The following PLEKHA6 variants were observed in gnomAD, a reference collection of about 807,000 sequenced individuals.
The protein encoded by PLEKHA6 is pleckstrin homology domain-containing family A member 6.
Under a neutral mutation model 116.7 loss-of-function variants are expected in PLEKHA6, and 60 were observed. The ratio of observed to expected loss-of-function variants is 0.51; its 90% confidence interval spans 0.42 to 0.64. The LOEUF is 0.64. Ranked by LOEUF, PLEKHA6 falls within the 30% of genes least tolerant of loss-of-function variation. The pLI, the probability that PLEKHA6 is intolerant of heterozygous loss-of-function variation, is 0.00. For synonymous variants in PLEKHA6, 489 were observed against 556.1 expected (o/e 0.88, Z 1.70); for missense variants, 1,338 against 1,422.7 (o/e 0.94, Z 0.96).
At position 204,257,456 on chromosome 1, in the gene PLEKHA6, A is replaced by G; in HGVS notation, c.1421T>C (p.Val474Ala). Residue 474 changes from valine to alanine, a missense_variant, in exon 9 of 23, where the codon GTC (valine) becomes GCC (alanine). Around this residue, in one of 3 missense-constraint regions of PLEKHA6, gnomAD observed 1,136 missense variants for 1,163.6 expected, o/e 0.98. Transcript: ENST00000272203. This position sits in a 1 kb window ranked among gnomAD's most constrained non-coding sequence, Gnocchi z 6.5. Reference protein sequence around the residue: ...SYSRARIYSPVRSPSARFERL... With the variant: ...SYSRARIYSPARSPSARFERL... ...CTCAAAACGGGCACTGGGTGAGCGG[A>G]CAGGGGAGTAAATGCGGGCACGGCT... The G allele has an allele frequency of 6.4e-7, 1 of 1,570,960 alleles. No homozygotes were observed. Among genetic ancestry groups the G allele is most frequent in the Non-Finnish European group, 8.6e-7 (1 of 1,156,864 alleles).
At chr1:204,332,235 C>A (rs1672480186) in intron 1 of PLEKHA6, among the ~76,000 whole-genome samples, 1 of 152,216 alleles carries the variant, frequency 6.6e-6, no homozygotes, top group Non-Finnish European at 1.5e-5. Flanking sequence ...TGGGAAGTCA[C>A]AAGATGGCCA....
At chr1:204,319,071 T>G (rs1049298846) in intron 1 of PLEKHA6, among the ~76,000 whole-genome samples, 3 of 152,186 alleles carry the variant, frequency 2.0e-5, no homozygotes, top group African/African-American at 7.2e-5. Context: ...AAAAACAAGG[T>G]ACTCGGTTCA....
intron 1 of PLEKHA6, chr1:204,347,331 G>T: frequency 1.4e-6 from 1 of 706,322 alleles, no homozygotes; most frequent in Non-Finnish European, 2.5e-6. Context: ...GAGAAATATG[G>T]CTCTGTTCTG....
chr1:204,305,640 T>C (rs185096333), intron 1 of PLEKHA6, among the ~76,000 whole-genome samples: 6 of 152,214 alleles, frequency 3.9e-5, no homozygotes. Context: ...ACTGTACAAT[T>C]GAACAAAAGG....
At chr1:204,265,086 C>A (rs1198641616) in intron 5 of PLEKHA6, 44 bp from the exon 6 acceptor site, 1 of 1,288,902 alleles carries the variant, frequency 7.8e-7, no homozygotes, top group Non-Finnish European at 1.1e-6. Flanking sequence ...TGTGTGTGTG[C>A]AAGCGTGTGC....
chr1:204,377,366 A>T (rs1163397265), intron 1 of PLEKHA6, among the ~76,000 whole-genome samples: 2 of 152,166 alleles, frequency 1.3e-5, no homozygotes, highest in African/African-American at 4.8e-5. Flanking sequence ...AGCCTTTCCA[A>T]GCTGAGGGAA....
chr1:204,334,414 G>A (rs1241303932), intron 1 of PLEKHA6, among the ~76,000 whole-genome samples: 5 of 152,146 alleles, frequency 3.3e-5, no homozygotes, highest in African/African-American at 7.2e-5. Context: ...AGATCACCAC[G>A]GAGGATGGTT....
intron 1 of PLEKHA6, among the ~76,000 whole-genome samples, chr1:204,342,514 C>T (rs76960700): frequency 3.4e-4 from 52 of 152,334 alleles, no homozygotes; most frequent in African/African-American, 1.2e-3. Context: ...AAGGCTTCTC[C>T]GCTTTTAATG....
chr1:204,377,439 A>G (rs1305835825), intron 1 of PLEKHA6: 2 of 152,350 alleles, frequency 1.3e-5, no homozygotes, highest in East Asian at 3.9e-4. Context: ...TCAAACAGGC[A>G]TGGTGATAAA....
chr1:204,235,008 ATAT>A (rs1661817088), intron 17 of PLEKHA6, among the ~76,000 whole-genome samples: 1 of 17,256 alleles, frequency 5.8e-5, no homozygotes, highest in Non-Finnish European at 1.0e-4. Context: ...ATATATATAT[ATAT>A]ATCTAATAGC....
At chr1:204,343,424 A>G (rs1322455058) in intron 1 of PLEKHA6, among the ~76,000 whole-genome samples, 2 of 152,176 alleles carry the variant, frequency 1.3e-5, no homozygotes, top group African/African-American at 4.8e-5. Flanking sequence ...TGACTAAACC[A>G]AGGCTCAGAG....
In PLEKHA6 at chr1:204,352,466, C is replaced by T. The variant is rs188354341; in HGVS notation, c.-95+7228G>A. Among the ~76,000 whole-genome samples the T allele has an allele frequency of 1.3e-3, 195 of 152,274 alleles. 1 individual carries two copies. Among genetic ancestry groups the T allele is most frequent in the Non-Finnish European group, 2.1e-3 (141 of 68,018 alleles). ...TTATTTCATTTACTCCTTGCCGCTG[C>T]GGAGACTTCAGTCTCCTAACAGGAT... On this transcript the variant is annotated intron_variant, in intron 1 of 22. Transcript: ENST00000272203.
chr1:204,364,399 C>T (rs1351099144), upstream of PLEKHA6, among the ~76,000 whole-genome samples: 4 of 152,214 alleles, frequency 2.6e-5, no homozygotes, highest in South Asian at 2.1e-4. Flanking sequence ...AAATCAGGCA[C>T]ACATGAGGCC....
chr1:204,235,023 G>GATAT (rs1354284623), intron 17 of PLEKHA6, among the ~76,000 whole-genome samples: 1 of 106,346 alleles, frequency 9.4e-6, no homozygotes, highest in African/African-American at 3.2e-5. Context: ...TCTAATAGCA[G>GATAT]ATATATATAT....
At chr1:204,281,925 G>C (rs1243924296) in intron 1 of PLEKHA6, among the ~76,000 whole-genome samples, 1 of 152,142 alleles carries the variant, frequency 6.6e-6, no homozygotes, top group East Asian at 1.9e-4. Context: ...ACCTGTTATG[G>C]GCAGTTATGG....
chr1:204,303,527 A>T (rs114980763), intron 1 of PLEKHA6, among the ~76,000 whole-genome samples: 1,583 of 152,324 alleles, frequency 0.01, 26 homozygotes, highest in African/African-American at 0.035. Context: ...GCTTTTGCTC[A>T]TACAAGTCTG....
chr1:204,319,911 T>C (rs942285330), intron 1 of PLEKHA6, among the ~76,000 whole-genome samples: 1 of 152,002 alleles, frequency 6.6e-6, no homozygotes, highest in Non-Finnish European at 1.5e-5. Context: ...CAGGAGCTCA[T>C]GGTCATCTCA....
rs1178420884 is a variant in PLEKHA6 at position 204,259,517 on chromosome 1, C to A, written c.748G>T (p.Gly250Cys). 6.2e-7 allele frequency: 1 copy of A among 1,614,100 alleles called. No individual in the cohort carries two copies. The highest frequency in any genetic ancestry group is 2.2e-5 in the East Asian group (1 of 44,874). Reference protein sequence around the residue: ...PAGPEPASEPGSPYPEGPRVP... With the variant: ...PAGPEPASEPCSPYPEGPRVP... ...CTTGGGCCCTCGGGGTAAGGGCTGC[C>A]CGGCTCTGAGGCTGGCTCCGGTCCA... Residue 250 changes from glycine (G) to cysteine (C), a missense_variant, in exon 8 of 23, where the codon GGC (glycine) becomes TGC (cysteine). Transcript: ENST00000272203. The surrounding 1 kb of genome is among the most constrained non-coding windows in gnomAD (Gnocchi z 4.6).
At chr1:204,244,265 G>A (rs932559338) in intron 15 of PLEKHA6, among the ~76,000 whole-genome samples, 1 of 151,854 alleles carries the variant, frequency 6.6e-6, no homozygotes, top group African/African-American at 2.4e-5. Context: ...CTGAGTAGCT[G>A]GGACTACAGG....
Sources: allele counts gnomAD v4.1 joint callset (sites outside exome capture counted in the v4.1 genomes callset), GRCh38; gene constraint gnomAD v4.1.1; regional missense constraint gnomAD v4.1.1; non-coding constraint Gnocchi (gnomAD v3.1); transcripts MANE v1.5; gene names NCBI Gene and HGNC (gene_info 2026-07-23, HGNC 2026-07-21).